The following LARGE1 variants were observed in gnomAD, a reference collection of about 807,000 sequenced individuals.
The protein encoded by LARGE1 is LARGE xylosyl- and glucuronyltransferase 1.
Under a neutral mutation model 87.6 loss-of-function variants are expected in LARGE1, and 43 were observed. The ratio of observed to expected loss-of-function variants is 0.49; its 90% confidence interval spans 0.38 to 0.63. The LOEUF is 0.63. Among genes scored for constraint, LARGE1 ranks in the 30% least tolerant of loss-of-function variants. The pLI, the probability that LARGE1 is intolerant of heterozygous loss-of-function variation, is 0.00. For synonymous variants in LARGE1, 434 were observed against 394.6 expected, an observed-to-expected ratio of 1.10 and a Z score of -1.18; for missense variants, 802 against 1,000.2, an observed-to-expected ratio of 0.80 and a Z score of 2.67.
At chr22:33,161,526 G>A (rs951893822), downstream of LARGE1, among the ~76,000 whole-genome samples, 2 of 152,176 alleles carry the variant, frequency 1.3e-5, no homozygotes, top group Non-Finnish European at 2.9e-5. Flanking sequence ...AGATACAATA[G>A]GGGTACAAGA....
intron 11 of LARGE1, among the ~76,000 whole-genome samples, chr22:33,212,873 C>A (rs1261855052): frequency 6.6e-6 from 1 of 152,006 alleles, no homozygotes. Flanking sequence ...AAAAAATTAG[C>A]TGGGCGTGGT....
At chr22:33,459,708 C>T (rs1240129074) in intron 6 of LARGE1, among the ~76,000 whole-genome samples, 1 of 150,610 alleles carries the variant, frequency 6.6e-6, no homozygotes, top group Non-Finnish European at 1.5e-5. Context: ...ATTACACCGC[C>T]AGCCCAGACA....
rs57006134 is a variant in LARGE1, at chr22:33,525,623, G to A, written c.787+39225C>T. On this transcript the variant is annotated intron_variant, in intron 6 of 14. Transcript: ENST00000397394. ...AACTTCATCTGTTCCTAGGTGACCCGTAAGTCCTGGGTCCCCTATGTTTCC... is the reference window on the plus strand; with the variant it reads ...AACTTCATCTGTTCCTAGGTGACCCATAAGTCCTGGGTCCCCTATGTTTCC... Among the ~76,000 whole-genome samples the A allele has an allele frequency of 7.1e-3, 1,086 of 152,072 alleles. 19 individuals are homozygous for A. Among genetic ancestry groups the A allele is most frequent in the African/African-American group, 0.025 (1,029 of 41,434 alleles).
intron 11 of LARGE1, among the ~76,000 whole-genome samples, chr22:33,194,540 T>C (rs1352094540): frequency 1.3e-5 from 2 of 152,202 alleles, no homozygotes; most frequent in Non-Finnish European, 2.9e-5. Context: ...CTGGGTTATA[T>C]GAAATATTTT....
chr22:33,076,808 C>T, the LARGE1 span, among the ~76,000 whole-genome samples: 4 of 152,106 alleles, frequency 2.6e-5, no homozygotes, highest in African/African-American at 7.2e-5. Flanking sequence ...TCTTCTTTAG[C>T]GTTGTATCTT....
chr22:33,874,652 G>T (rs2064408982), intron 1 of LARGE1, among the ~76,000 whole-genome samples: 1 of 152,202 alleles, frequency 6.6e-6, no homozygotes, highest in African/African-American at 2.4e-5. Flanking sequence ...TCACTGGAAA[G>T]TGTGGAGTCA....
At chr22:33,434,689 G>A (rs929650939) in intron 6 of LARGE1, among the ~76,000 whole-genome samples, 1 of 152,112 alleles carries the variant, frequency 6.6e-6, no homozygotes, top group Non-Finnish European at 1.5e-5. Flanking sequence ...TTTATATGGT[G>A]GCATCCCATA....
chr22:33,651,225 C>CAAAAAAGAAAAAAAAAAA (rs2080796194), intron 2 of LARGE1, among the ~76,000 whole-genome samples: 1 of 56,574 alleles, frequency 1.8e-5, no homozygotes, highest in Non-Finnish European at 3.6e-5. Flanking sequence ...ACTAAAAATA[C>CAAAAAAGAAAAAAAAAAA]AAAAAAAAAA....
intron 1 of LARGE1, among the ~76,000 whole-genome samples, chr22:33,857,891 C>T (rs996879962): frequency 1.3e-5 from 2 of 152,186 alleles, no homozygotes; most frequent in African/African-American, 2.4e-5. Context: ...CCCATTGTTA[C>T]CGGGGTTCCT....
intron 1 of LARGE1, among the ~76,000 whole-genome samples, chr22:33,821,528 C>T (rs1381268476): frequency 6.6e-6 from 1 of 152,098 alleles, no homozygotes; most frequent in Non-Finnish European, 1.5e-5. Flanking sequence ...GTAAGGATGT[C>T]CAAGAAAGTG....
In LARGE1 at chr22:33,397,661, G is replaced by A. The variant is rs534866465; in HGVS notation, c.893-13357C>T. Among the ~76,000 whole-genome samples the A allele has an allele frequency of 4.3e-4, 65 of 152,210 alleles. 1 individual carries two copies. In the South Asian group the frequency reaches 0.011, roughly 26 times the overall value. On this transcript the variant is annotated intron_variant, in intron 7 of 14. Coordinates refer to ENST00000397394, the MANE Select transcript of LARGE1 (RefSeq NM_133642.5). ...AACATTCTTGAACATGTCTTTTGAC[G>A]GCATGTGTATGCATTTCTGTTGAGT...
At chr22:33,812,515 G>A (rs145752532) in intron 1 of LARGE1, among the ~76,000 whole-genome samples, 1 of 152,318 alleles carries the variant, frequency 6.6e-6, no homozygotes, top group African/African-American at 2.4e-5. Flanking sequence ...GCCTCCTGCT[G>A]TGCATTTTCC....
intron 9 of LARGE1, among the ~76,000 whole-genome samples, chr22:33,340,691 C>T (rs146312002): frequency 2.6e-5 from 4 of 152,006 alleles, no homozygotes; most frequent in Non-Finnish European, 4.4e-5. Flanking sequence ...TCCTGGGGGG[C>T]TCACCCATGG....
chr22:33,495,335 C>T (rs759777715), intron 6 of LARGE1, among the ~76,000 whole-genome samples: 1 of 152,180 alleles, frequency 6.6e-6, no homozygotes, highest in Non-Finnish European at 1.5e-5. Flanking sequence ...CTCTCCCAAG[C>T]CCTTGACTGC....
intron 6 of LARGE1, among the ~76,000 whole-genome samples, chr22:33,558,812 A>T (rs1214803170): frequency 6.6e-6 from 1 of 152,254 alleles, no homozygotes; most frequent in Non-Finnish European, 1.5e-5. Context: ...CAGCTTTTCT[A>T]CATTATTGTA....
At chr22:33,464,930 C>T (rs1365294655) in intron 6 of LARGE1, among the ~76,000 whole-genome samples, 5 of 151,768 alleles carry the variant, frequency 3.3e-5, no homozygotes, top group Middle Eastern at 3.4e-3. Context: ...CATACATGCA[C>T]GTACACATAC....
chr22:33,543,011 T>C (rs1347492452), intron 6 of LARGE1, among the ~76,000 whole-genome samples: 1 of 152,224 alleles, frequency 6.6e-6, no homozygotes, highest in Non-Finnish European at 1.5e-5. Context: ...TTCCAGTCCT[T>C]CTTTCCTACA....
At chr22:33,097,903 A>T in the LARGE1 span, among the ~76,000 whole-genome samples, 1 of 152,236 alleles carries the variant, frequency 6.6e-6, no homozygotes, top group African/African-American at 2.4e-5. Context: ...GGTAGCCATT[A>T]CTATATAACT....
intron 6 of LARGE1, among the ~76,000 whole-genome samples, chr22:33,503,586 G>C (rs1254707514): frequency 6.6e-6 from 1 of 152,026 alleles, no homozygotes; most frequent in African/African-American, 2.4e-5. Flanking sequence ...GGATCACGAG[G>C]TCAGGAGTTT....
Sources: allele counts gnomAD v4.1 joint callset (sites outside exome capture counted in the v4.1 genomes callset), GRCh38; gene constraint gnomAD v4.1.1; transcripts MANE v1.5; gene names NCBI Gene and HGNC (gene_info 2026-07-23, HGNC 2026-07-21).